Variants in LOXHD1 observed in about 807,000 individuals in gnomAD.
LOXHD1 encodes lipoxygenase homology domain-containing protein 1.
In LOXHD1, 205 loss-of-function variants were observed where a neutral mutation model predicts 248.2. The observed-to-expected ratio is 0.83, with a 90% CI of 0.74 to 0.93. LOXHD1 has a LOEUF of 0.93. Ranked by LOEUF, LOXHD1 falls within the 40% of genes least tolerant of loss-of-function variation. The pLI, the probability that LOXHD1 is intolerant of heterozygous loss-of-function variation, is 0.00. For synonymous variants in LOXHD1, 1,113 were observed against 1,162.8 expected (o/e 0.96, Z 0.87); for missense variants, 2,930 against 2,971.6 (o/e 0.99, Z 0.33).
chr18:46,559,305 G>A, intron 20 of LOXHD1, 143 bp downstream of exon 20: 1 of 1,545,066 alleles, frequency 6.5e-7, no homozygotes, highest in Non-Finnish European at 8.7e-7. Flanking sequence ...TGTTACTGAA[G>A]AGGTACTGCC....
intron 40 of LOXHD1, among the ~76,000 whole-genome samples, chr18:46,480,866 A>AT (rs555416565): frequency 2.6e-5 from 4 of 152,146 alleles, no homozygotes; most frequent in Non-Finnish European, 5.9e-5. Context: ...CTGTATTTGA[A>AT]TTTTTATGGT....
chr18:46,533,937 C>T (rs1409009331), intron 27 of LOXHD1, among the ~76,000 whole-genome samples: 1 of 152,160 alleles, frequency 6.6e-6, no homozygotes, highest in Non-Finnish European at 1.5e-5. Flanking sequence ...ATTGCTCCCT[C>T]TTCATTCATA....
intron 26 of LOXHD1, among the ~76,000 whole-genome samples, chr18:46,535,172 A>G (rs2144289557): frequency 6.6e-6 from 1 of 152,214 alleles, no homozygotes; most frequent in East Asian, 1.9e-4. Flanking sequence ...TGTGACACCT[A>G]CCATCTCTTT....
At chr18:46,480,227 G>A (rs1465464226) in intron 40 of LOXHD1, among the ~76,000 whole-genome samples, 1 of 151,632 alleles carries the variant, frequency 6.6e-6, no homozygotes, top group African/African-American at 2.4e-5. Context: ...CTCCCTCTTT[G>A]CTTGGCTCTC....
chr18:46,623,514 G>T (rs1207989452), intron 4 of LOXHD1, among the ~76,000 whole-genome samples: 1 of 152,220 alleles, frequency 6.6e-6, no homozygotes, highest in African/African-American at 2.4e-5. Flanking sequence ...TAAAGATAGA[G>T]TGCCCACTCA....
intron 2 of LOXHD1, 40 bp from the exon 3 acceptor site, chr18:46,642,076 G>C: frequency 1.3e-6 from 2 of 1,535,254 alleles, no homozygotes; most frequent in Non-Finnish European, 1.8e-6. Context: ...TCAGCTGTTG[G>C]CTCACAGGCC....
At chr18:46,591,404 T>C (rs2038165403) in intron 12 of LOXHD1, among the ~76,000 whole-genome samples, 1 of 152,240 alleles carries the variant, frequency 6.6e-6, no homozygotes, top group South Asian at 2.1e-4. Flanking sequence ...TATTTACCAG[T>C]ACCGTGCTTC....
intron 35 of LOXHD1, among the ~76,000 whole-genome samples, chr18:46,508,553 G>A (rs1170199162): frequency 2.6e-5 from 4 of 152,208 alleles, no homozygotes; most frequent in East Asian, 1.9e-4. Flanking sequence ...TTGGACTTCT[G>A]CCTCTATGAC....
chr18:46,524,785 C>T lies in LOXHD1; in HGVS notation c.4663G>A (p.Glu1555Lys), dbSNP rs1164686618. ...VEIWNDTNED[E>K]FLFLCGRWLS... ...CAGCGCCCGCATAGGAACAGGAACTCGTCCTCGTTGGTGTCATTCCAGATC... is the reference window on the plus strand; with the variant it reads ...CAGCGCCCGCATAGGAACAGGAACTTGTCCTCGTTGGTGTCATTCCAGATC... The change falls in exon 30 of 41, where the codon GAG becomes AAG. Residue 1555 changes from glutamate (E) to lysine (K), a missense_variant. By Grantham distance (56) the Glu-to-Lys change is moderately conservative. Transcript: ENST00000642948. The T allele has an allele frequency of 2.6e-6, 4 of 1,551,654 alleles. No homozygotes were observed. The highest frequency in any genetic ancestry group is 3.9e-5 in the Admixed American group (2 of 51,006).
At chr18:46,597,900 C>G (rs2038281517) in intron 8 of LOXHD1, among the ~76,000 whole-genome samples, 1 of 151,012 alleles carries the variant, frequency 6.6e-6, no homozygotes, top group Non-Finnish European at 1.5e-5. Flanking sequence ...GGGACAGGCG[C>G]CCGCCGCCAC....
rs2038333612 is a variant in LOXHD1, at chr18:46,601,302, T to TGG, written c.1048_1049insCC (p.Glu350AlafsTer10). ...CAGGGGGCTAAGGAGGACAGCCAGC[T>TGG]CGATGTGGAAGATGTCCGTGCGGCC... is the stretch of plus-strand genomic sequence containing the variant. On this transcript the variant is annotated frameshift_variant, in exon 8 of 41. Coordinates refer to ENST00000642948, the MANE Select transcript of LOXHD1 (RefSeq NM_001384474.1). LOFTEE classifies it high-confidence loss of function. The TGG allele has an allele frequency of 1.3e-6, 2 of 1,551,464 alleles. No homozygotes were observed. The highest frequency in any genetic ancestry group is 2.7e-5 in the African/African-American group (2 of 72,970).
rs563085918 is a variant in LOXHD1 at position 46,646,686 on chromosome 18, T to C, written c.245+2469A>G. Among the ~76,000 whole-genome samples, 28 of 152,312 alleles carry C rather than the reference T, an allele frequency of 1.8e-4. No individual in the cohort carries two copies. In the East Asian group the frequency reaches 4.4e-3, roughly 24 times the overall value. ...TGCCCCCATCAGCCCGCAGCGCTCATTGCTGCCTCCAGACTTTGGCAATCT... is the reference window on the plus strand; with the variant it reads ...TGCCCCCATCAGCCCGCAGCGCTCACTGCTGCCTCCAGACTTTGGCAATCT... On this transcript the variant is annotated intron_variant, in intron 2 of 40. Coordinates refer to ENST00000642948, the MANE Select transcript of LOXHD1 (RefSeq NM_001384474.1).
chr18:46,587,653 C>T (rs982257813), intron 12 of LOXHD1, among the ~76,000 whole-genome samples: 1 of 152,162 alleles, frequency 6.6e-6, no homozygotes, highest in African/African-American at 2.4e-5. Context: ...AGCCTCTTTA[C>T]TTTAATTTTA....
intron 7 of LOXHD1, 21 bp from the exon 8 acceptor site, chr18:46,601,488 AAG>A (rs1480775278): frequency 1.3e-6 from 2 of 1,551,758 alleles, no homozygotes; most frequent in Non-Finnish European, 1.7e-6. Context: ...AACAACAGGA[AAG>A]AGAGTGTTCA....
chr18:46,536,369 TC>T (rs1199029663), intron 26 of LOXHD1, among the ~76,000 whole-genome samples: 8 of 151,854 alleles, frequency 5.3e-5, no homozygotes, highest in Non-Finnish European at 1.0e-4. Flanking sequence ...GCGTTTTACC[TC>T]CTACCTGAAA....
chr18:46,545,503 G>T, intron 22 of LOXHD1, 82 bp from the exon 23 acceptor site: 1 of 1,031,250 alleles, frequency 9.7e-7, no homozygotes, highest in Non-Finnish European at 1.5e-6. Context: ...ACCTCCTCTA[G>T]AAGGGCTTCC....
At chr18:46,620,574 T>C (rs2038654744) in intron 4 of LOXHD1, among the ~76,000 whole-genome samples, 1 of 152,180 alleles carries the variant, frequency 6.6e-6, no homozygotes, top group South Asian at 2.1e-4. Flanking sequence ...AAAGATTTTG[T>C]AGTATCTAAG....
chr18:46,489,669 A>C (rs941312902), intron 37 of LOXHD1, among the ~76,000 whole-genome samples: 3 of 152,144 alleles, frequency 2.0e-5, no homozygotes, highest in African/African-American at 7.2e-5. Flanking sequence ...GGCCTGCATC[A>C]GGTGTTCTCC....
intron 4 of LOXHD1, among the ~76,000 whole-genome samples, chr18:46,628,277 G>A (rs2038772209): frequency 6.6e-6 from 1 of 152,182 alleles, no homozygotes; most frequent in African/African-American, 2.4e-5. Context: ...TCTTTCCGGA[G>A]ATGATTTTCT....
Sources: allele counts gnomAD v4.1 joint callset (sites outside exome capture counted in the v4.1 genomes callset), GRCh38; gene constraint gnomAD v4.1.1; transcripts MANE v1.5; gene names NCBI Gene and HGNC (gene_info 2026-07-23, HGNC 2026-07-21).